Variants in AUTS2 observed in about 807,000 individuals in gnomAD.
AUTS2 encodes the protein autism susceptibility gene 2 protein.
A neutral mutation model predicts 112.4 loss-of-function variants in AUTS2; 17 were observed. The observed-to-expected ratio is 0.15, with a 90% CI of 0.10 to 0.23. AUTS2 has a LOEUF of 0.23. AUTS2 is among the 10% of genes least tolerant of loss of function. The pLI is 1.00. For missense variants in AUTS2, 1,510 were observed against 1,701.6 expected (o/e 0.89, Z 1.98); for synonymous variants, 751 against 702.7 (o/e 1.07, Z -1.09).
chr7:69,620,243 C>T (rs1185636442), intron 1 of AUTS2, among the ~76,000 whole-genome samples: 3 of 152,156 alleles, frequency 2.0e-5, no homozygotes, highest in Non-Finnish European at 4.4e-5. Flanking sequence ...GGGCGGAAAA[C>T]GAAAGTTTAT....
rs186010744 is a variant in AUTS2, at chr7:70,131,289, A to G, written c.625-3247A>G. Among the ~76,000 whole-genome samples, 1,426 of 150,308 alleles carry G rather than the reference A, an allele frequency of 9.5e-3. 31 individuals carry two copies. Among genetic ancestry groups the G allele is most frequent in the African/African-American group, 0.033 (1,363 of 40,976 alleles). ...AACATAGTGAGATGCTATCTCTAGG[A>G]AAAAAAAAATAGCTGGGCACAGTAT... On this transcript the variant is annotated intron_variant, in intron 3 of 18. Coordinates refer to ENST00000342771, the MANE Select transcript of AUTS2 (RefSeq NM_015570.4).
At chr7:70,460,276 C>T (rs774583707) in intron 5 of AUTS2, among the ~76,000 whole-genome samples, 12 of 150,910 alleles carry the variant, frequency 8.0e-5, no homozygotes, top group Non-Finnish European at 1.6e-4. Context: ...GGAAGCGGAC[C>T]GTGTCCTGAG....
chr7:70,387,522 G>T (rs1450926340), intron 4 of AUTS2, among the ~76,000 whole-genome samples: 1 of 152,078 alleles, frequency 6.6e-6, no homozygotes, highest in East Asian at 1.9e-4. Context: ...TAACTATGTG[G>T]ATAACTTCCA....
chr7:70,167,042 A>G (rs1808419486), intron 4 of AUTS2, among the ~76,000 whole-genome samples: 1 of 152,192 alleles, frequency 6.6e-6, no homozygotes, highest in Middle Eastern at 3.2e-3. Flanking sequence ...CCTGGCCAAC[A>G]TGGTGAAACC....
intron 2 of AUTS2, among the ~76,000 whole-genome samples, chr7:70,045,730 T>C (rs1203320816): frequency 3.3e-5 from 5 of 149,768 alleles, no homozygotes. Flanking sequence ...TGCCCCAGCC[T>C]CCCGAGTAGC....
intron 1 of AUTS2, among the ~76,000 whole-genome samples, chr7:69,841,695 A>G (rs1791988594): frequency 6.6e-6 from 1 of 152,168 alleles, no homozygotes; most frequent in South Asian, 2.1e-4. Flanking sequence ...ATTACAAGAG[A>G]CTAAGGGAAC....
chr7:69,911,797 C>A (rs1417937688), intron 2 of AUTS2, among the ~76,000 whole-genome samples: 1 of 152,170 alleles, frequency 6.6e-6, no homozygotes, highest in East Asian at 1.9e-4. Flanking sequence ...GGAAAAAGCA[C>A]CATCCGATTG....
chr7:69,628,623 G>A (rs1405686441), intron 1 of AUTS2, among the ~76,000 whole-genome samples: 1 of 152,154 alleles, frequency 6.6e-6, no homozygotes, highest in Non-Finnish European at 1.5e-5. Context: ...AACTTACATG[G>A]TGAAAGTTGA....
chr7:70,156,164 C>T (rs2129576803), intron 4 of AUTS2, among the ~76,000 whole-genome samples: 1 of 152,276 alleles, frequency 6.6e-6, no homozygotes, highest in African/African-American at 2.4e-5. Flanking sequence ...CACACTCTCA[C>T]TTTCTTCTCT....
At chr7:70,227,510 CTCT>C (rs1165851175) in intron 4 of AUTS2, among the ~76,000 whole-genome samples, 1 of 152,104 alleles carries the variant, frequency 6.6e-6, no homozygotes, top group African/African-American at 2.4e-5. Context: ...TGAGCAGTCT[CTCT>C]TCTTCTCCAT....
chr7:70,368,931 G>A (rs574740548), intron 4 of AUTS2, among the ~76,000 whole-genome samples: 3 of 152,130 alleles, frequency 2.0e-5, no homozygotes, highest in South Asian at 2.1e-4. Context: ...ATAATTAAAC[G>A]GGAACATAGC....
intron 1 of AUTS2, among the ~76,000 whole-genome samples, chr7:69,618,670 A>G (rs1793502935): frequency 6.6e-6 from 1 of 152,214 alleles, no homozygotes; most frequent in African/African-American, 2.4e-5. Flanking sequence ...AAATGTATGC[A>G]TATGTAGATA....
intron 1 of AUTS2, among the ~76,000 whole-genome samples, chr7:69,669,661 A>G (rs899766663): frequency 6.6e-6 from 1 of 152,188 alleles, no homozygotes; most frequent in African/African-American, 2.4e-5. Flanking sequence ...TTGTTGGGAA[A>G]GATAACTCTG....
At chr7:70,252,572 C>CT (rs373770871) in intron 4 of AUTS2, among the ~76,000 whole-genome samples, 70 of 151,882 alleles carry the variant, frequency 4.6e-4, no homozygotes, top group African/African-American at 1.5e-3. Context: ...CTGCTAATCG[C>CT]TTTTTTTTGC....
At chr7:70,245,928 T>A (rs1045587748) in intron 4 of AUTS2, among the ~76,000 whole-genome samples, 1 of 152,168 alleles carries the variant, frequency 6.6e-6, no homozygotes, top group Non-Finnish European at 1.5e-5. Context: ...AATAATCTTG[T>A]GCACATGTGT....
intron 1 of AUTS2, among the ~76,000 whole-genome samples, chr7:69,671,352 C>T (rs1426070682): frequency 2.0e-5 from 3 of 152,160 alleles, no homozygotes; most frequent in Non-Finnish European, 4.4e-5. Flanking sequence ...TAAACACTTA[C>T]TCAGCCTGTT....
chr7:70,458,513 T>C (rs949757464), intron 5 of AUTS2, among the ~76,000 whole-genome samples: 1 of 152,210 alleles, frequency 6.6e-6, no homozygotes, highest in Non-Finnish European at 1.5e-5. Flanking sequence ...TTTTCAAAAT[T>C]CAAGGTTTTA....
chr7:70,736,086 A>G (rs944846702), intron 6 of AUTS2, among the ~76,000 whole-genome samples: 7 of 152,118 alleles, frequency 4.6e-5, no homozygotes, highest in Admixed American at 2.0e-4. Context: ...TAACACTGTT[A>G]ATAGACCATA....
chr7:70,671,173 G>GACTCCGTCTCAAAAAACAAAGAAACAAAA (rs1807619113), intron 5 of AUTS2, among the ~76,000 whole-genome samples: 1 of 152,100 alleles, frequency 6.6e-6, no homozygotes, highest in Non-Finnish European at 1.5e-5. Context: ...GACAGAGCGA[G>GACTCCGTCTCAAAAAACAAAGAAACAAAA]ACTCCGTCTC....
Sources: allele counts gnomAD v4.1 joint callset (sites outside exome capture counted in the v4.1 genomes callset), GRCh38; gene constraint gnomAD v4.1.1; transcripts MANE v1.5; gene names NCBI Gene and HGNC (gene_info 2026-07-23, HGNC 2026-07-21).